TRIM2: variants seen among roughly 807,000 people sequenced by gnomAD.
TRIM2 encodes tripartite motif containing 2, also known as tripartite motif-containing protein 2.
Under a neutral mutation model 75.2 loss-of-function variants are expected in TRIM2, and 20 were observed. The ratio of observed to expected loss-of-function variants is 0.27; its 90% CI spans 0.19 to 0.39. TRIM2 has a LOEUF of 0.39. Among genes scored for constraint, TRIM2 ranks in the 10% least tolerant of loss-of-function variants. The pLI is 1.00. For synonymous variants in TRIM2, 373 were observed against 388.3 expected (o/e 0.96, Z 0.46); for missense variants, 660 against 990.8 (o/e 0.67, Z 4.48).
At chr4:153,285,322 G>A (rs552130676) in intron 3 of TRIM2, among the ~76,000 whole-genome samples, 35 of 152,202 alleles carry the variant, frequency 2.3e-4, no homozygotes, top group African/African-American at 8.2e-4. Flanking sequence ...GTACTACATT[G>A]TTTTGATTAC....
At chr4:153,263,527 G>A (rs1754116965) in intron 1 of TRIM2, among the ~76,000 whole-genome samples, 1 of 152,164 alleles carries the variant, frequency 6.6e-6, no homozygotes, top group Non-Finnish European at 1.5e-5. Context: ...TGTCTACTAT[G>A]TACCAGGACA....
chr4:153,324,308 A>G (rs1241362325), intron 10 of TRIM2, 160 bp downstream of exon 10: 2 of 514,592 alleles, frequency 3.9e-6, no homozygotes, highest in Non-Finnish European at 6.5e-6. Context: ...TTGGACTTAC[A>G]GACCTTGGAA....
At chr4:153,301,757 C>G (rs547935456) in intron 6 of TRIM2, among the ~76,000 whole-genome samples, 1 of 152,318 alleles carries the variant, frequency 6.6e-6, no homozygotes, top group South Asian at 2.1e-4. Flanking sequence ...GATCTTTCCT[C>G]ATTTTGTGCT....
chr4:153,245,724 A>G (rs888877311), intron 1 of TRIM2, among the ~76,000 whole-genome samples: 2 of 152,140 alleles, frequency 1.3e-5, no homozygotes, highest in Non-Finnish European at 2.9e-5. Flanking sequence ...GTTGCTTAGG[A>G]TGGCAGTGCA....
chr4:153,191,650 C>T (rs1733200279), intron 1 of TRIM2, among the ~76,000 whole-genome samples: 1 of 152,176 alleles, frequency 6.6e-6, no homozygotes, highest in Admixed American at 6.5e-5. Context: ...TTTGGTACTT[C>T]TTATTTATTT....
chr4:153,323,098 A>G (rs902943936), intron 9 of TRIM2, among the ~76,000 whole-genome samples: 31 of 152,220 alleles, frequency 2.0e-4, no homozygotes, highest in Admixed American at 1.9e-3. Flanking sequence ...AATAAGGTAT[A>G]AATTTTAAAA....
intron 1 of TRIM2, among the ~76,000 whole-genome samples, chr4:153,227,762 G>T (rs1326933826): frequency 6.6e-6 from 1 of 152,148 alleles, no homozygotes; most frequent in Non-Finnish European, 1.5e-5. Context: ...GAGTCATGGT[G>T]GGGGAAGGGG....
chr4:153,331,731 G>A (rs569243328), intron 11 of TRIM2, among the ~76,000 whole-genome samples: 1 of 152,234 alleles, frequency 6.6e-6, no homozygotes, highest in African/African-American at 2.4e-5. Context: ...AACCCATAGA[G>A]TAAGCTATAT....
intron 1 of TRIM2, among the ~76,000 whole-genome samples, chr4:153,222,066 A>AGGGAGGGAGCGAGGG (rs1579735106): frequency 1.5e-5 from 2 of 134,802 alleles, no homozygotes; most frequent in African/African-American, 5.3e-5. Flanking sequence ...GGAAGGAAGG[A>AGGGAGGGAGCGAGGG]AGGAAAGAAA....
upstream of TRIM2, among the ~76,000 whole-genome samples, chr4:153,203,569 C>G (rs1734679805): frequency 6.8e-6 from 1 of 146,100 alleles, no homozygotes; most frequent in Non-Finnish European, 1.5e-5. Context: ...GCCTGGTCAA[C>G]ACAGCAAGAC....
At chr4:153,307,782 G>T in intron 6 of TRIM2, 1 of 706,378 alleles carries the variant, frequency 1.4e-6, no homozygotes, top group Non-Finnish European at 2.7e-6. Context: ...CCACCACACA[G>T]GTACAGCACC....
intron 2 of TRIM2, among the ~76,000 whole-genome samples, chr4:153,273,298 CAG>C (rs1372941077): frequency 3.3e-5 from 2 of 60,372 alleles, no homozygotes; most frequent in African/African-American, 1.6e-4. Context: ...TTTTTTGAGA[CAG>C]AGTCTCGCTC....
intron 1 of TRIM2, among the ~76,000 whole-genome samples, chr4:153,209,414 A>G (rs1447096410): frequency 6.6e-6 from 1 of 152,108 alleles, no homozygotes; most frequent in Non-Finnish European, 1.5e-5. Flanking sequence ...AGTTGTTTAG[A>G]TATGCATAGT....
At chr4:153,220,799 A>G (rs1305626485) in intron 1 of TRIM2, among the ~76,000 whole-genome samples, 1 of 152,228 alleles carries the variant, frequency 6.6e-6, no homozygotes, top group Non-Finnish European at 1.5e-5. Context: ...GATACTTAAC[A>G]TTATTTGTCA....
chr4:153,183,430 G>A (rs1364325939), intron 1 of TRIM2, among the ~76,000 whole-genome samples: 1 of 152,214 alleles, frequency 6.6e-6, no homozygotes, highest in African/African-American at 2.4e-5. Flanking sequence ...ACAAGGGTTG[G>A]AGCAGCGATG....
rs1446015563 is a variant in TRIM2, at chr4:153,205,958, C to A, written c.30+1398C>A. On this transcript the variant is annotated intron_variant, in intron 1 of 11. Coordinates refer to ENST00000338700, the MANE Select transcript of TRIM2 (RefSeq NM_015271.5). ...GGATGAGTCACCCCACGAGGAGGTCCTGACAAGGAATGGAAATTCTGACTC... is the reference window on the plus strand; with the variant it reads ...GGATGAGTCACCCCACGAGGAGGTCATGACAAGGAATGGAAATTCTGACTC... Among the ~76,000 whole-genome samples the A allele has an allele frequency of 3.9e-5, 6 of 152,334 alleles. No individual in the cohort carries two copies. The East Asian group carries it at 9.7e-4, about 25-fold the overall frequency.
At chr4:153,157,685 C>T (rs1327085012) in intron 1 of TRIM2, among the ~76,000 whole-genome samples, 1 of 152,092 alleles carries the variant, frequency 6.6e-6, no homozygotes, top group Non-Finnish European at 1.5e-5. Flanking sequence ...ACTGCATTAC[C>T]CTCTGCCCCC....
At chr4:153,247,743 G>A (rs998298351) in intron 1 of TRIM2, among the ~76,000 whole-genome samples, 2 of 149,380 alleles carry the variant, frequency 1.3e-5, no homozygotes, top group African/African-American at 4.9e-5. Context: ...GATTCTGCTC[G>A]CTATCATTTA....
chr4:153,243,718 A>G (rs767297606), intron 1 of TRIM2, among the ~76,000 whole-genome samples: 4 of 152,162 alleles, frequency 2.6e-5, no homozygotes, highest in Non-Finnish European at 5.9e-5. Context: ...CAACATGTCA[A>G]TCAGGCTAGA....
Sources: allele counts gnomAD v4.1 joint callset (sites outside exome capture counted in the v4.1 genomes callset), GRCh38; gene constraint gnomAD v4.1.1; transcripts MANE v1.5; gene names NCBI Gene and HGNC (gene_info 2026-07-23, HGNC 2026-07-21).